GRID2: variants seen among roughly 807,000 people sequenced by gnomAD.
The protein encoded by GRID2 is glutamate ionotropic receptor delta type subunit 2.
Under a neutral mutation model 114.8 loss-of-function variants are expected in GRID2, and 33 were observed. The ratio of observed to expected loss-of-function variants is 0.29; its 90% CI spans 0.22 to 0.38. The LOEUF is 0.38. GRID2 is among the 10% of genes least tolerant of loss of function. GRID2 has a pLI of 1.00. For missense variants in GRID2, 1,184 were observed against 1,257.7 expected (o/e 0.94, Z 0.89); for synonymous variants, 505 against 449.9 (o/e 1.12, Z -1.55).
At chr4:93,412,645 T>C (rs1767314894) in intron 9 of GRID2, among the ~76,000 whole-genome samples, 1 of 152,144 alleles carries the variant, frequency 6.6e-6, no homozygotes, top group African/African-American at 2.4e-5. Context: ...GTTTGTTACA[T>C]AGGTATACAT....
intron 2 of GRID2, among the ~76,000 whole-genome samples, chr4:92,713,978 G>A (rs1735407247): frequency 6.6e-6 from 1 of 151,862 alleles, no homozygotes; most frequent in Non-Finnish European, 1.5e-5. Context: ...CTTCCCAACA[G>A]TCCCCCAAAG....
chr4:92,679,145 CT>C (rs1339889207), intron 2 of GRID2, among the ~76,000 whole-genome samples: 2 of 151,994 alleles, frequency 1.3e-5, no homozygotes, highest in African/African-American at 2.4e-5. Context: ...CTATTTCCTT[CT>C]TTTCATAAGT....
chr4:92,400,704 G>T (rs368709423), intron 1 of GRID2, among the ~76,000 whole-genome samples: 2 of 151,678 alleles, frequency 1.3e-5, no homozygotes, highest in Non-Finnish European at 2.9e-5. Flanking sequence ...AAATGACTGC[G>T]CCATTTTACA....
chr4:92,635,652 T>C (rs1031242291), intron 2 of GRID2, among the ~76,000 whole-genome samples: 4 of 152,050 alleles, frequency 2.6e-5, no homozygotes, highest in Non-Finnish European at 5.9e-5. Context: ...ATCTCCAGGG[T>C]AAAAATCCTT....
At chr4:93,031,826 G>A (rs1724468696) in intron 2 of GRID2, among the ~76,000 whole-genome samples, 1 of 151,858 alleles carries the variant, frequency 6.6e-6, no homozygotes, top group African/African-American at 2.4e-5. Flanking sequence ...GTAGGGTAAG[G>A]TTGTACCAAC....
intron 2 of GRID2, among the ~76,000 whole-genome samples, chr4:92,879,753 A>G (rs1745873301): frequency 6.6e-6 from 1 of 152,376 alleles, no homozygotes; most frequent in Non-Finnish European, 1.5e-5. Context: ...ATGTTTCAAC[A>G]CAATGTGCAG....
At chr4:93,463,816 T>G (rs187412970) in intron 11 of GRID2, among the ~76,000 whole-genome samples, 1 of 151,934 alleles carries the variant, frequency 6.6e-6, no homozygotes, top group Non-Finnish European at 1.5e-5. Flanking sequence ...GGTGAAACCC[T>G]GTCTCTACTA....
intron 6 of GRID2, among the ~76,000 whole-genome samples, chr4:93,218,093 T>A (rs541816999): frequency 1.1e-4 from 17 of 152,048 alleles, no homozygotes; most frequent in Admixed American, 3.9e-4. Context: ...AAAAAGGATT[T>A]GCCATTTATC....
intron 4 of GRID2, among the ~76,000 whole-genome samples, chr4:93,148,779 A>G (rs750922843): frequency 5.9e-5 from 9 of 152,270 alleles, no homozygotes; most frequent in Admixed American, 1.3e-4. Context: ...GTCTGTTTTT[A>G]ATGGCTATTT....
At chr4:92,750,493 A>G (rs369561343) in intron 2 of GRID2, among the ~76,000 whole-genome samples, 1 of 150,254 alleles carries the variant, frequency 6.7e-6, no homozygotes, top group South Asian at 2.1e-4. Flanking sequence ...CATAGACCAA[A>G]GAAAGAATTT....
chr4:93,563,986 T>C (rs1192040439), intron 13 of GRID2, among the ~76,000 whole-genome samples: 1 of 151,918 alleles, frequency 6.6e-6, no homozygotes, highest in East Asian at 1.9e-4. Context: ...GATGTTAATA[T>C]TAATTGAGGA....
intron 1 of GRID2, among the ~76,000 whole-genome samples, chr4:92,360,438 A>T (rs966340756): frequency 1.3e-5 from 2 of 151,972 alleles, no homozygotes; most frequent in African/African-American, 4.8e-5. Flanking sequence ...AGGCAGATAA[A>T]CAAAACCAAA....
intron 2 of GRID2, among the ~76,000 whole-genome samples, chr4:92,899,569 T>C (rs1180589883): frequency 6.6e-6 from 1 of 152,142 alleles, no homozygotes; most frequent in African/African-American, 2.4e-5. Context: ...GATTTAATAG[T>C]CAGAGTTCTT....
chr4:93,623,202 C>G (rs964528148), intron 13 of GRID2, among the ~76,000 whole-genome samples: 1 of 151,904 alleles, frequency 6.6e-6, no homozygotes, highest in Non-Finnish European at 1.5e-5. Flanking sequence ...ATGTGCAGAA[C>G]CTGTGCAGGT....
chr4:92,471,354 T>C (rs916355398), intron 1 of GRID2, among the ~76,000 whole-genome samples: 1 of 152,046 alleles, frequency 6.6e-6, no homozygotes, highest in African/African-American at 2.4e-5. Flanking sequence ...CCAGTGACCT[T>C]GTACAACCCT....
intron 2 of GRID2, among the ~76,000 whole-genome samples, chr4:92,755,639 T>A (rs1233055920): frequency 1.3e-5 from 2 of 152,102 alleles, no homozygotes; most frequent in Non-Finnish European, 2.9e-5. Flanking sequence ...CAGGAAAGAA[T>A]GTAATGTATT....
At chr4:93,600,234 C>CA (rs539097397) in intron 13 of GRID2, among the ~76,000 whole-genome samples, 37 of 151,290 alleles carry the variant, frequency 2.4e-4, no homozygotes, top group African/African-American at 8.0e-4. Context: ...TTTACAAAAA[C>CA]AAAAAAAATT....
chr4:93,801,175 T>C (rs1578802106), intron 1 of GRID2, among the ~76,000 whole-genome samples: 1 of 152,264 alleles, frequency 6.6e-6, no homozygotes, highest in East Asian at 1.9e-4. Context: ...CTAATTTATA[T>C]AGATTGATTT....
chr4:93,614,452 C>T (rs1226961779), intron 13 of GRID2, among the ~76,000 whole-genome samples: 1 of 152,094 alleles, frequency 6.6e-6, no homozygotes, highest in Non-Finnish European at 1.5e-5. Context: ...ACCCAGAACA[C>T]AAATGCATCA....
Sources: allele counts gnomAD v4.1 joint callset (sites outside exome capture counted in the v4.1 genomes callset), GRCh38; gene constraint gnomAD v4.1.1; transcripts MANE v1.5; gene names NCBI Gene and HGNC (gene_info 2026-07-23, HGNC 2026-07-21).